Variants in FMO1 observed in about 807,000 individuals in gnomAD.
The protein encoded by FMO1 is flavin-containing monooxygenase 1.
A neutral mutation model predicts 45.4 loss-of-function variants in FMO1; 36 were observed. The observed-to-expected ratio is 0.79, with a 90% CI of 0.61 to 1.05. The LOEUF (loss-of-function observed/expected upper bound fraction) is 1.05. Ranked by LOEUF, FMO1 falls within the 50% of genes least tolerant of loss-of-function variation. FMO1 has a pLI of 0.00. For synonymous variants in FMO1, 228 were observed against 227.2 expected, an observed-to-expected ratio of 1.00 and a Z score of -0.03; for missense variants, 615 against 640.3, an observed-to-expected ratio of 0.96 and a Z score of 0.43.
chr1:171,257,452 CCT>C (rs374166188), intron 1 of FMO1, among the ~76,000 whole-genome samples: 1 of 151,952 alleles, frequency 6.6e-6, no homozygotes. Context: ...TGGCAGCCAC[CCT>C]CTCTCTCTCC....
At chr1:171,265,520 TAA>T (rs1323052029) in intron 2 of FMO1, among the ~76,000 whole-genome samples, 3 of 151,854 alleles carry the variant, frequency 2.0e-5, no homozygotes, top group Non-Finnish European at 4.4e-5. Flanking sequence ...TTAATTTCAG[TAA>T]GTGTCATTAA....
At chr1:171,255,976 A>C (rs548649171) in intron 1 of FMO1, among the ~76,000 whole-genome samples, 4 of 152,324 alleles carry the variant, frequency 2.6e-5, no homozygotes, top group Admixed American at 2.6e-4. Context: ...ATGTCATACA[A>C]AAATGAGTAG....
At chr1:171,254,257 T>A (rs7547562) in intron 1 of FMO1, among the ~76,000 whole-genome samples, 2 of 151,850 alleles carry the variant, frequency 1.3e-5, no homozygotes, top group African/African-American at 4.8e-5. Flanking sequence ...CCCAGCTAAC[T>A]TTTTTGTATT....
At chr1:171,252,894 C>T (rs950049402) in intron 1 of FMO1, among the ~76,000 whole-genome samples, 5 of 152,052 alleles carry the variant, frequency 3.3e-5, no homozygotes, top group Non-Finnish European at 4.4e-5. Flanking sequence ...CTCAGTCTTT[C>T]AAATAAAAAA....
rs1316051342 is a variant in FMO1, at chr1:171,258,188, G to A, written c.101G>A (p.Ser34Asn). 6.2e-7 allele frequency: 1 copy of A among 1,614,192 alleles called. No homozygotes were observed. Among genetic ancestry groups the A allele is most frequent in the Non-Finnish European group, 8.5e-7 (1 of 1,180,030 alleles). The change falls in exon 2 of 9, where the codon AGC (serine) becomes AAC (asparagine). Residue 34 changes from serine (S) to asparagine (N), a missense_variant. Transcript: ENST00000617670. ...EGLEPTCFERSDDLGGLWRFT... is the reference protein window; with the variant it reads ...EGLEPTCFERNDDLGGLWRFT... Reference sequence around the variant, plus strand: ...CTGGAGCCCACCTGCTTTGAGAGGAGCGATGACCTTGGGGGGCTGTGGAGA... The same window carrying A: ...CTGGAGCCCACCTGCTTTGAGAGGAACGATGACCTTGGGGGGCTGTGGAGA...
At chr1:171,262,323 T>C (rs1400406318) in intron 2 of FMO1, among the ~76,000 whole-genome samples, 2 of 152,164 alleles carry the variant, frequency 1.3e-5, no homozygotes, top group Non-Finnish European at 2.9e-5. Context: ...TAATCCCAGC[T>C]ACCCAGTCTT....
intron 2 of FMO1, among the ~76,000 whole-genome samples, chr1:171,266,182 C>T (rs1433747593): frequency 6.6e-6 from 1 of 152,160 alleles, no homozygotes; most frequent in Admixed American, 6.5e-5. Context: ...TAGTACACAA[C>T]TCAAACTCAT....
At chr1:171,265,543 T>A (rs1462934119) in intron 2 of FMO1, among the ~76,000 whole-genome samples, 2 of 151,492 alleles carry the variant, frequency 1.3e-5, no homozygotes, top group South Asian at 2.1e-4. Context: ...ACAACATAGA[T>A]ATAAAGGAAA....
At chr1:171,258,035 G>C (rs999113564) in intron 1 of FMO1, 47 bp from the exon 2 acceptor site, 3 of 1,610,036 alleles carry the variant, frequency 1.9e-6, no homozygotes, top group African/African-American at 2.7e-5. Context: ...AGCCAAGGGT[G>C]GGGTGGAGCT....
intron 7 of FMO1, chr1:171,282,744 A>C: frequency 4.5e-6 from 1 of 224,258 alleles, no homozygotes; most frequent in African/African-American, 2.3e-5. Context: ...CAGTCTCCTG[A>C]GTAGTGGAGA....
At chr1:171,276,705 C>T (rs1661124911) in intron 4 of FMO1, among the ~76,000 whole-genome samples, 1 of 152,142 alleles carries the variant, frequency 6.6e-6, no homozygotes. Context: ...TTTATGGAGT[C>T]CAGTGGAGAA....
intron 3 of FMO1, chr1:171,271,512 T>TG: frequency 3.4e-6 from 3 of 891,548 alleles, no homozygotes; most frequent in Non-Finnish European, 5.7e-6. Context: ...CTTCTTATGC[T>TG]CTTCCCGACA....
Position 171,285,470 on chromosome 1 carries a change from T to A in FMO1, c.1525T>A (p.Ser509Thr). 6.5e-7 allele frequency: 1 copy of A among 1,536,296 alleles called. No individual in the cohort carries two copies. Among genetic ancestry groups the A allele is most frequent in the Non-Finnish European group, 8.7e-7 (1 of 1,144,126 alleles). ...IKARVVQESP[S>T]PFESFLKVFS... is the part of the protein sequence containing the mutation. ...AGCTCGAGTTGTACAAGAGTCTCCA[T>A]CTCCCTTTGAAAGTTTTCTTAAAGT... Residue 509 changes from serine to threonine, a missense_variant, in exon 9 of 9, where the codon TCT becomes ACT. Ser to Thr is a moderately conservative substitution (Grantham distance 58). Transcript: ENST00000617670.
intron 1 of FMO1, among the ~76,000 whole-genome samples, chr1:171,257,054 G>A (rs1438045302): frequency 2.0e-5 from 3 of 152,208 alleles, no homozygotes; most frequent in African/African-American, 7.2e-5. Flanking sequence ...CAGCTACTGA[G>A]CACTTACTAT....
At chr1:171,250,911 G>A (rs1659859399) in intron 1 of FMO1, among the ~76,000 whole-genome samples, 1 of 152,092 alleles carries the variant, frequency 6.6e-6, no homozygotes, top group Non-Finnish European at 1.5e-5. Flanking sequence ...CTATGCTGGG[G>A]TTCAATCAGG....
intron 1 of FMO1, among the ~76,000 whole-genome samples, chr1:171,251,340 CTG>C (rs1441030406): frequency 1.1e-4 from 16 of 151,576 alleles, no homozygotes; most frequent in African/African-American, 3.6e-4. Context: ...GGCAGAATAT[CTG>C]TGTGTCAATG....
chr1:171,266,844 G>C (rs1459813158), intron 2 of FMO1, among the ~76,000 whole-genome samples: 3 of 152,144 alleles, frequency 2.0e-5, no homozygotes, highest in African/African-American at 7.2e-5. Flanking sequence ...GTATATTAAA[G>C]ACATTACTAA....
intron 3 of FMO1, among the ~76,000 whole-genome samples, chr1:171,273,598 C>A (rs1195490397): frequency 6.6e-6 from 1 of 152,164 alleles, no homozygotes; most frequent in Non-Finnish European, 1.5e-5. Context: ...GCCTCCACCT[C>A]CTAGGCTCAA....
chr1:171,277,878 TC>T lies in FMO1; in HGVS notation c.485-847del. Among the ~76,000 whole-genome samples, 3 of 152,252 alleles carry T rather than the reference TC, an allele frequency of 2.0e-5. No homozygotes were observed. In the Middle Eastern group the frequency reaches 0.01, roughly 518 times the overall value. The stretch of plus-strand genomic sequence containing the variant: ...CACTCCCCACAAGTATATACATTTT[TC>T]CCCTGAGAATGTAGAGGTCTTATTA... On this transcript the variant is annotated intron_variant, in intron 4 of 8. Transcript: ENST00000617670.
Sources: allele counts gnomAD v4.1 joint callset (sites outside exome capture counted in the v4.1 genomes callset), GRCh38; gene constraint gnomAD v4.1.1; transcripts MANE v1.5; gene names NCBI Gene and HGNC (gene_info 2026-07-23, HGNC 2026-07-21).